The following TMTC2 variants were observed in gnomAD, a reference collection of about 807,000 sequenced individuals.
TMTC2 encodes the protein protein O-mannosyl-transferase TMTC2.
TMTC2 carries 43 observed loss-of-function variants against 82.4 expected under a neutral mutation model. The observed-to-expected ratio is 0.52, with a 90% CI of 0.41 to 0.67. The LOEUF is 0.67. TMTC2 is among the 30% of genes least tolerant of loss of function. The probability of loss-of-function intolerance (pLI) is 0.00; values close to 1 mark genes in which losing one functional copy is unlikely to be tolerated. For synonymous variants in TMTC2, 408 were observed against 381.9 expected (o/e 1.07, Z -0.80); for missense variants, 919 against 1,012.4 (o/e 0.91, Z 1.25).
In TMTC2 at chr12:82,935,965, A is replaced by G. The variant is rs1046683773; in HGVS notation, c.1598+5420A>G. Among the ~76,000 whole-genome samples, 6 of 152,236 alleles carry G rather than the reference A, an allele frequency of 3.9e-5. No individual in the cohort carries two copies. The East Asian group carries it at 9.6e-4, about 24-fold the overall frequency. ...AACAATAGGAAGTAATGCATAATCT[A>G]AGATCTTGTTCTCTGGAAGATCAGC... On this transcript the variant is annotated intron_variant, in intron 4 of 11. Transcript: ENST00000321196.
At chr12:83,032,476 G>C (rs1233810445) in intron 9 of TMTC2, among the ~76,000 whole-genome samples, 1 of 151,132 alleles carries the variant, frequency 6.6e-6, no homozygotes, top group African/African-American at 2.4e-5. Flanking sequence ...TTTTTCCAGT[G>C]GTGATAGTAG....
At chr12:82,779,172 G>A (rs917004668) in intron 1 of TMTC2, among the ~76,000 whole-genome samples, 29 of 152,106 alleles carry the variant, frequency 1.9e-4, no homozygotes, top group Non-Finnish European at 3.8e-4. Flanking sequence ...CCAACATCAC[G>A]GCAGGGTAGA....
intron 11 of TMTC2, among the ~76,000 whole-genome samples, chr12:83,070,014 T>G (rs1424106362): frequency 6.6e-6 from 1 of 152,178 alleles, no homozygotes; most frequent in African/African-American, 2.4e-5. Flanking sequence ...GGTTTATTTC[T>G]GGGTTCTCTA....
intron 11 of TMTC2, among the ~76,000 whole-genome samples, chr12:83,067,997 T>C (rs575327077): frequency 6.6e-6 from 1 of 152,242 alleles, no homozygotes; most frequent in African/African-American, 2.4e-5. Context: ...AGAACATTAT[T>C]ATAAAATCAA....
At chr12:82,841,552 G>A (rs1421779807) in intron 1 of TMTC2, among the ~76,000 whole-genome samples, 1 of 152,096 alleles carries the variant, frequency 6.6e-6, no homozygotes, top group African/African-American at 2.4e-5. Context: ...CCGTGTGTCC[G>A]AAAAAACTCT....
rs947812953 is a variant in TMTC2 at position 83,029,492 on chromosome 12, C to A, written c.2071-1306C>A. On this transcript the variant is annotated intron_variant, in intron 8 of 11. Transcript: ENST00000321196. ...AACTTTAGAAAATTGGTCTTCATAACAATAGTTTTAAAAATATACTCAAAG... is the reference window on the plus strand; with the variant it reads ...AACTTTAGAAAATTGGTCTTCATAAAAATAGTTTTAAAAATATACTCAAAG... Among the ~76,000 whole-genome samples, 5 of 152,190 alleles carry A rather than the reference C, an allele frequency of 3.3e-5. 1 individual carries two copies. Among genetic ancestry groups the A allele is most frequent in the Admixed American group, 3.3e-4 (5 of 15,282 alleles).
At chr12:82,766,665 A>G (rs1876978886) in intron 1 of TMTC2, among the ~76,000 whole-genome samples, 1 of 152,256 alleles carries the variant, frequency 6.6e-6, no homozygotes, top group Non-Finnish European at 1.5e-5. Context: ...CCAAATATTC[A>G]GATTACTGTC....
intron 1 of TMTC2, among the ~76,000 whole-genome samples, chr12:82,758,117 C>T (rs1310944221): frequency 6.6e-6 from 1 of 151,942 alleles, no homozygotes; most frequent in African/African-American, 2.4e-5. Flanking sequence ...ATATGAATAA[C>T]CTGAATATCT....
At chr12:82,955,483 A>G (rs1329232877) in intron 4 of TMTC2, among the ~76,000 whole-genome samples, 1 of 152,160 alleles carries the variant, frequency 6.6e-6, no homozygotes, top group Non-Finnish European at 1.5e-5. Context: ...TTAGACAAAG[A>G]CAGGGTTGTT....
chr12:82,855,962 T>G (rs1277818912), intron 1 of TMTC2, among the ~76,000 whole-genome samples: 1 of 152,208 alleles, frequency 6.6e-6, no homozygotes, highest in Non-Finnish European at 1.5e-5. Flanking sequence ...AAACCCAGAA[T>G]AGTGGAAAGG....
intron 3 of TMTC2, among the ~76,000 whole-genome samples, chr12:82,897,724 C>G (rs1873752975): frequency 6.6e-6 from 1 of 151,918 alleles, no homozygotes. Flanking sequence ...TGGGGTTTCA[C>G]CACGTTAGCC....
intron 1 of TMTC2, among the ~76,000 whole-genome samples, chr12:82,713,045 C>G (rs140409375): frequency 6.6e-6 from 1 of 152,052 alleles, no homozygotes; most frequent in Non-Finnish European, 1.5e-5. Flanking sequence ...GGAGGCCAGG[C>G]GCAGTGGCTC....
rs112821838 is a variant in TMTC2 at position 82,986,247 on chromosome 12, G to T, written c.2070+201G>T. The T allele has an allele frequency of 3.1e-3, 1,824 of 591,768 alleles. 24 individuals carry two copies. The highest frequency in any genetic ancestry group is 0.03 in the African/African-American group (1,623 of 53,688). The allele number at this position is 591,768 out of a possible 1,614,324, so 36.7% of individuals were successfully genotyped here. A position where few individuals can be genotyped will look rare whatever the true frequency, so the allele number is the denominator to read the frequency against. ...GAGGTTTGGTCTAGATAAGATGTGA[G>T]ATGTCTGTATCTTACATCTTGATCT... On this transcript the variant is annotated intron_variant, in intron 8 of 11. Coordinates refer to ENST00000321196, the MANE Select transcript of TMTC2 (RefSeq NM_152588.3).
At chr12:82,966,497 G>A (rs1201969233) in intron 6 of TMTC2, among the ~76,000 whole-genome samples, 1 of 152,132 alleles carries the variant, frequency 6.6e-6, no homozygotes, top group Non-Finnish European at 1.5e-5. Flanking sequence ...ATTTCTGTGG[G>A]TTTCAAGAGC....
intron 1 of TMTC2, among the ~76,000 whole-genome samples, chr12:82,829,330 A>T (rs1208579681): frequency 2.0e-5 from 3 of 152,230 alleles, no homozygotes; most frequent in Non-Finnish European, 4.4e-5. Flanking sequence ...ATTCGAAATC[A>T]GTTGTCCTTA....
intron 1 of TMTC2, among the ~76,000 whole-genome samples, chr12:82,694,795 A>C (rs542030716): frequency 2.0e-4 from 30 of 152,230 alleles, no homozygotes; most frequent in African/African-American, 7.2e-4. Flanking sequence ...TAAAAAAAAA[A>C]ACTGGTTCAC....
intron 11 of TMTC2, among the ~76,000 whole-genome samples, chr12:83,126,878 C>T (rs770026418): frequency 1.3e-5 from 2 of 151,838 alleles, no homozygotes; most frequent in Non-Finnish European, 2.9e-5. Context: ...ATGTATAAGG[C>T]ACAAATAAAT....
intron 10 of TMTC2, among the ~76,000 whole-genome samples, chr12:83,058,155 T>C (rs1882612086): frequency 6.6e-6 from 1 of 151,826 alleles, no homozygotes; most frequent in African/African-American, 2.4e-5. Context: ...ATATAAGAAA[T>C]ATATATATTT....
intron 11 of TMTC2, among the ~76,000 whole-genome samples, chr12:83,073,318 A>G (rs985855110): frequency 3.3e-5 from 5 of 152,162 alleles, no homozygotes; most frequent in Admixed American, 2.0e-4. Context: ...AAGCCCTTCT[A>G]GCTTATAGGG....
Sources: allele counts gnomAD v4.1 joint callset (sites outside exome capture counted in the v4.1 genomes callset), GRCh38; gene constraint gnomAD v4.1.1; transcripts MANE v1.5; gene names NCBI Gene and HGNC (gene_info 2026-07-23, HGNC 2026-07-21).